The following SPTLC2 variants were observed in gnomAD, a reference collection of about 807,000 sequenced individuals.
SPTLC2 encodes serine palmitoyltransferase 2.
Under a neutral mutation model 62.0 loss-of-function variants are expected in SPTLC2, and 21 were observed. That is an observed-to-expected ratio of 0.34 (90% CI 0.24 to 0.49). The LOEUF (loss-of-function observed/expected upper bound fraction) is 0.49, where lower values mean the gene tolerates loss of function less well. Ranked by LOEUF, SPTLC2 falls within the 20% of genes least tolerant of loss-of-function variation. The pLI, the probability that SPTLC2 is intolerant of heterozygous loss-of-function variation, is 0.99. For missense variants in SPTLC2, 511 were observed against 713.0 expected, an observed-to-expected ratio of 0.72 and a Z score of 3.23; for synonymous variants, 261 against 261.8, an observed-to-expected ratio of 1.00 and a Z score of 0.03.
rs373479393 is a variant in SPTLC2, at chr14:77,507,332, CTTT to C, written c.*4949_*4951del. 2.9e-5 allele frequency: 4 copies of C among 138,966 alleles called. No homozygotes were observed. Among genetic ancestry groups the C allele is most frequent in the Non-Finnish European group, 6.3e-5 (4 of 63,844 alleles). The allele number at this position is 138,966 out of a possible 1,614,324, so 8.6% of individuals were successfully genotyped here. A position where few individuals can be genotyped will look rare whatever the true frequency, so the allele number is the denominator to read the frequency against. ...GCAATGGCTAGGGGCCTGGGCACAC[CTTT>C]TTTTTTTTTTTTTGAGACAGAGTCT... is the stretch of plus-strand genomic sequence containing the variant. On this transcript the variant is annotated 3_prime_UTR_variant, in exon 12 of 12. Coordinates refer to ENST00000216484, the MANE Select transcript of SPTLC2 (RefSeq NM_004863.4).
At chr14:77,594,574 A>G (rs920165158) in intron 2 of SPTLC2, among the ~76,000 whole-genome samples, 3 of 152,204 alleles carry the variant, frequency 2.0e-5, no homozygotes, top group African/African-American at 7.2e-5. Context: ...CAGCCTGGGC[A>G]ACATGGCGAG....
At chr14:77,525,777 G>C (rs1398942574) in intron 9 of SPTLC2, among the ~76,000 whole-genome samples, 1 of 152,120 alleles carries the variant, frequency 6.6e-6, no homozygotes, top group Middle Eastern at 3.2e-3. Flanking sequence ...AGCCGGGCGT[G>C]GTGGTGGGCG....
In SPTLC2 at chr14:77,581,405, C is replaced by CTTTTTT. The variant is rs1159561282; in HGVS notation, c.328-2302_328-2297dup. 5.5e-3 allele frequency among the ~76,000 whole-genome samples: 516 copies of CTTTTTT among 93,972 alleles called. 14 individuals carry two copies. Among genetic ancestry groups the CTTTTTT allele is most frequent in the Non-Finnish European group, 6.5e-3 (326 of 49,854 alleles). The allele number at this position is 93,972 out of a possible 152,430, so 61.6% of individuals were successfully genotyped here. A position where few individuals can be genotyped will look rare whatever the true frequency, so the allele number is the denominator to read the frequency against. ...ATTTGCAGTACCTGATACCATCTCTCTTTTTTTTTTTTTTTTTTTTTTGAG... is the reference window on the plus strand; with the variant it reads ...ATTTGCAGTACCTGATACCATCTCTCTTTTTTTTTTTTTTTTTTTTTTTTTTTTGAG... On this transcript the variant is annotated intron_variant, in intron 2 of 11. Transcript: ENST00000216484.
At chr14:77,563,079 C>T (rs1297579400) in intron 5 of SPTLC2, among the ~76,000 whole-genome samples, 5 of 150,058 alleles carry the variant, frequency 3.3e-5, no homozygotes, top group Non-Finnish European at 7.4e-5. Context: ...TTGAAGATCT[C>T]GGTTTGGTTT....
At chr14:77,598,402 A>G (rs959217136) in intron 1 of SPTLC2, among the ~76,000 whole-genome samples, 6 of 152,208 alleles carry the variant, frequency 3.9e-5, no homozygotes, top group African/African-American at 9.6e-5. Context: ...GCCTGTCCCA[A>G]AAAAGTACTA....
rs187397873 is a variant in SPTLC2 at position 77,543,381 on chromosome 14, A to C, written c.1303+8715T>G. Among the ~76,000 whole-genome samples, 25 of 145,928 alleles carry C rather than the reference A, an allele frequency of 1.7e-4. No homozygotes were observed. In the East Asian group the frequency reaches 4.2e-3, roughly 25 times the overall value. The stretch of plus-strand genomic sequence containing the variant: ...ACATATCACAGGCTACTCTGAGACA[A>C]AGAGATAAGGAACGTAAACACTGTA... On this transcript the variant is annotated intron_variant, in intron 9 of 11. Transcript: ENST00000216484.
In SPTLC2 at chr14:77,521,337, TAACAC is replaced by T. The variant is rs2079383873; in HGVS notation, c.1439+104_1439+108del. 11 of 1,387,440 alleles carry T rather than the reference TAACAC, an allele frequency of 7.9e-6. No individual in the cohort carries two copies. The South Asian group carries it at 1.1e-4, about 13-fold the overall frequency. 85.9% of individuals were successfully genotyped at this position (1,387,440 alleles called of 1,614,324 possible). A position where few individuals can be genotyped will look rare whatever the true frequency, so the allele number is the denominator to read the frequency against. ...TATGGCATATGTACCAAATGAAGGT[TAACAC>T]AGTAAGGACAAGACCATTTTCCCTA... is the stretch of plus-strand genomic sequence containing the variant. On this transcript the variant is annotated intron_variant, in intron 10 of 11. Transcript: ENST00000216484.
intron 2 of SPTLC2, among the ~76,000 whole-genome samples, chr14:77,580,332 A>T (rs1011723011): frequency 2.0e-5 from 3 of 151,832 alleles, no homozygotes; most frequent in Non-Finnish European, 4.4e-5. Context: ...AAATACAAAA[A>T]TTAGCTGGGC....
chr14:77,563,137 A>G (rs2079624218), intron 5 of SPTLC2, among the ~76,000 whole-genome samples: 1 of 152,100 alleles, frequency 6.6e-6, no homozygotes, highest in Non-Finnish European at 1.5e-5. Flanking sequence ...GGGGCCCTTC[A>G]ACCTGTCAGA....
At chr14:77,562,047 T>C (rs1395364596) in intron 6 of SPTLC2, among the ~76,000 whole-genome samples, 1 of 152,230 alleles carries the variant, frequency 6.6e-6, no homozygotes. Flanking sequence ...GGCTTATCTA[T>C]TAAGTCTCTT....
chr14:77,576,997 A>T (rs553176941), intron 3 of SPTLC2, 82 bp from the exon 4 acceptor site: 1 of 1,502,206 alleles, frequency 6.7e-7, no homozygotes, highest in East Asian at 2.3e-5. Context: ...GGTGACACAA[A>T]AGGAAGCAGA....
chr14:77,538,815 C>G (rs1397793339), intron 9 of SPTLC2, among the ~76,000 whole-genome samples: 2 of 152,074 alleles, frequency 1.3e-5, no homozygotes, highest in African/African-American at 4.8e-5. Context: ...AGGTGATCCA[C>G]CTGCCTCAGC....
chr14:77,550,399 AC>A (rs2079549665), intron 9 of SPTLC2, among the ~76,000 whole-genome samples: 1 of 152,120 alleles, frequency 6.6e-6, no homozygotes, highest in Non-Finnish European at 1.5e-5. Flanking sequence ...ACACGGAGAA[AC>A]CCGGTCTCTA....
At chr14:77,595,920 T>C (rs530640150) in intron 2 of SPTLC2, among the ~76,000 whole-genome samples, 1 of 152,350 alleles carries the variant, frequency 6.6e-6, no homozygotes, top group East Asian at 1.9e-4. Flanking sequence ...CACACAGGTT[T>C]GTTTTATTTT....
At chr14:77,546,673 G>A (rs2079529755) in intron 9 of SPTLC2, among the ~76,000 whole-genome samples, 1 of 152,082 alleles carries the variant, frequency 6.6e-6, no homozygotes. Context: ...CTCCCACACA[G>A]CATATCTACC....
At chr14:77,595,549 G>A (rs17751917) in intron 2 of SPTLC2, among the ~76,000 whole-genome samples, 13,525 of 152,080 alleles carry the variant, frequency 0.089, 807 homozygotes, top group Admixed American at 0.18. Flanking sequence ...GCTGGGGCTC[G>A]GATGGAGTAC....
intron 9 of SPTLC2, among the ~76,000 whole-genome samples, chr14:77,529,335 T>C (rs1385376146): frequency 6.6e-6 from 1 of 150,878 alleles, no homozygotes; most frequent in Admixed American, 6.6e-5. Flanking sequence ...TGTTCTCCAC[T>C]GATAGAAATA....
intron 2 of SPTLC2, among the ~76,000 whole-genome samples, chr14:77,590,838 G>A (rs1483889057): frequency 6.6e-6 from 1 of 152,208 alleles, no homozygotes; most frequent in Non-Finnish European, 1.5e-5. Context: ...GCCCTGGGTA[G>A]AACAGAGGAT....
chr14:77,561,374 C>A (rs764314675), intron 6 of SPTLC2, among the ~76,000 whole-genome samples: 6 of 152,032 alleles, frequency 3.9e-5, no homozygotes, highest in Non-Finnish European at 7.4e-5. Flanking sequence ...CTTTGGGAGG[C>A]CAAGGCGGGA....
Sources: gnomAD v4.1 joint callset for allele counts (sites outside exome capture counted in the v4.1 genomes callset) on GRCh38, gnomAD v4.1.1 for gene constraint, MANE v1.5 for transcripts, NCBI Gene and HGNC (gene_info 2026-07-23, HGNC 2026-07-21) for gene names.